RFX7: variants seen among roughly 807,000 people sequenced by gnomAD.
RFX7 encodes DNA-binding protein RFX7.
RFX7 carries 26 observed loss-of-function variants against 111.8 expected under a neutral mutation model. That is an observed-to-expected ratio of 0.23 (90% confidence interval 0.17 to 0.32). The LOEUF is 0.32. Among genes scored for constraint, RFX7 ranks in the 10% least tolerant of loss-of-function variants. The pLI, the probability that RFX7 is intolerant of heterozygous loss-of-function variation, is 1.00. For missense variants in RFX7, 1,573 were observed against 1,772.9 expected (o/e 0.89, Z 2.02); for synonymous variants, 624 against 624.4 (o/e 1.00, Z 0.01).
rs1438813028 is a variant in RFX7 at position 56,094,089 on chromosome 15, G to A, written c.3639C>T (p.Asp1213=). ...TTTGAGCTATGTTGTTGGCACATGCGTCTGTGTGAACATTTGTGAAAACAT... is the reference window on the plus strand; with the variant it reads ...TTTGAGCTATGTTGTTGGCACATGCATCTGTGTGAACATTTGTGAAAACAT... ...EVHVFTNVHT[D]ACANNIAQRS... The change falls in exon 10 of 10, where the codon GAC becomes GAT. Residue 1213 remains aspartate (D), a synonymous_variant. Transcript: ENST00000559447. 9 of 1,613,860 alleles carry A rather than the reference G, an allele frequency of 5.6e-6. No homozygotes were observed. Among genetic ancestry groups the A allele is most frequent in the South Asian group, 5.5e-5 (5 of 91,092 alleles).
At chr15:56,137,629 AT>A (rs1189399987) in intron 5 of RFX7, among the ~76,000 whole-genome samples, 24 of 151,386 alleles carry the variant, frequency 1.6e-4, no homozygotes, top group Admixed American at 1.4e-3. Flanking sequence ...TTCTGCTCTG[AT>A]TTTAGTTATT....
rs781756978 is a variant in RFX7 at position 56,094,615 on chromosome 15, G to A, written c.3113C>T (p.Ala1038Val). 1 of 1,613,944 alleles carries A rather than the reference G, an allele frequency of 6.2e-7. No homozygotes were observed. Among genetic ancestry groups the A allele is most frequent in the South Asian group, 1.1e-5 (1 of 91,068 alleles). Residue 1038 changes from alanine (A) to valine (V), a missense_variant, in exon 10 of 10, where the codon GCC becomes GTC. Transcript: ENST00000559447. ...PISSSMAYHD[A>V]SIVSSSPVKP... ...CACAGGACTACTTGAGACAATGCTG[G>A]CGTCATGATATGCCATACTGGAGCT...
At chr15:56,180,978 T>A (rs1162621773) in intron 2 of RFX7, among the ~76,000 whole-genome samples, 1 of 152,302 alleles carries the variant, frequency 6.6e-6, no homozygotes, top group Non-Finnish European at 1.5e-5. Flanking sequence ...CAATAACCTT[T>A]TAACTGGTTT....
At chr15:56,191,106 A>C (rs1291418030) in intron 2 of RFX7, among the ~76,000 whole-genome samples, 1 of 152,194 alleles carries the variant, frequency 6.6e-6, no homozygotes, top group African/African-American at 2.4e-5. Flanking sequence ...CTCTCTGGCC[A>C]ATTTTTGTCA....
intron 5 of RFX7, among the ~76,000 whole-genome samples, chr15:56,114,860 A>G (rs1411365860): frequency 6.6e-6 from 1 of 152,186 alleles, no homozygotes; most frequent in African/African-American, 2.4e-5. Context: ...TGCTAATAAA[A>G]AAAATCCCAT....
intron 2 of RFX7, among the ~76,000 whole-genome samples, chr15:56,222,461 A>G (rs2043437510): frequency 1.3e-5 from 2 of 152,186 alleles, no homozygotes; most frequent in South Asian, 4.1e-4. Flanking sequence ...CTGCTCCAGT[A>G]TCTATTCTTC....
At chr15:56,188,089 C>T (rs1036874906) in intron 2 of RFX7, among the ~76,000 whole-genome samples, 2 of 151,816 alleles carry the variant, frequency 1.3e-5, no homozygotes, top group African/African-American at 2.4e-5. Context: ...AATAAATGTT[C>T]GCATGGGGAA....
At chr15:56,210,382 A>G (rs527797284) in intron 2 of RFX7, among the ~76,000 whole-genome samples, 3 of 152,248 alleles carry the variant, frequency 2.0e-5, no homozygotes, top group Admixed American at 6.5e-5. Flanking sequence ...GAAGAGTTCA[A>G]TATCCCTCTA....
chr15:56,154,708 G>A (rs1455091892), intron 3 of RFX7, among the ~76,000 whole-genome samples: 1 of 152,144 alleles, frequency 6.6e-6, no homozygotes, highest in South Asian at 2.1e-4. Flanking sequence ...TAGTATTCAG[G>A]ACATAGGCAT....
At chr15:56,114,251 GAAAA>G (rs763833770) in intron 5 of RFX7, among the ~76,000 whole-genome samples, 43 of 148,576 alleles carry the variant, frequency 2.9e-4, no homozygotes, top group Non-Finnish European at 5.1e-4. Context: ...TAAAAATACA[GAAAA>G]AAAAAATTAA....
chr15:56,243,587 C>A lies in RFX7; in HGVS notation c.-145G>T. 1 of 713,192 alleles carries A rather than the reference C, an allele frequency of 1.4e-6. No individual in the cohort carries two copies. Among genetic ancestry groups the A allele is most frequent in the Non-Finnish European group, 1.7e-6 (1 of 583,650 alleles). 44.2% of individuals were successfully genotyped at this position (713,192 alleles called of 1,614,324 possible). A position where few individuals can be genotyped will look rare whatever the true frequency, so the allele number is the denominator to read the frequency against. The stretch of plus-strand genomic sequence containing the variant: ...CCCCCGCTGGCGCCGCCGCCTCCTC[C>A]CGTCAGCGGCCGGGGCTGTGGGGGG... On this transcript the variant is annotated 5_prime_UTR_variant, in exon 1 of 10. Transcript: ENST00000559447.
intron 5 of RFX7, among the ~76,000 whole-genome samples, chr15:56,141,656 A>AATACATATATATATATATATATAT (rs1555421060): frequency 1.2e-5 from 1 of 83,210 alleles, no homozygotes; most frequent in Non-Finnish European, 2.2e-5. Flanking sequence ...GCTTACTCTA[A>AATACATATATATATATATATATAT]ATATATATAT....
chr15:56,129,238 G>A (rs1053189722), intron 5 of RFX7, among the ~76,000 whole-genome samples: 4 of 152,056 alleles, frequency 2.6e-5, no homozygotes, highest in African/African-American at 9.7e-5. Context: ...AGCCAGGCGT[G>A]GTGGTGCATG....
chr15:56,197,918 CT>C, intron 2 of RFX7, among the ~76,000 whole-genome samples: 1 of 152,188 alleles, frequency 6.6e-6, no homozygotes, highest in Admixed American at 6.5e-5. Flanking sequence ...AGAATATGGT[CT>C]TGCTAGTGCT....
At chr15:56,188,336 T>A (rs1186545661) in intron 2 of RFX7, among the ~76,000 whole-genome samples, 2 of 152,112 alleles carry the variant, frequency 1.3e-5, no homozygotes, top group South Asian at 4.1e-4. Context: ...TCTAACTATG[T>A]ACAATGGGAG....
chr15:56,123,041 G>A (rs1346936096), intron 5 of RFX7, among the ~76,000 whole-genome samples: 1 of 152,074 alleles, frequency 6.6e-6, no homozygotes, highest in Non-Finnish European at 1.5e-5. Flanking sequence ...AGCCCTCTTG[G>A]TGGTCTTCCC....
chr15:56,183,980 A>C (rs2043005643), intron 2 of RFX7, among the ~76,000 whole-genome samples: 1 of 150,722 alleles, frequency 6.6e-6, no homozygotes, highest in East Asian at 1.9e-4. Context: ...CCTTATCTCC[A>C]GCAACCTTCA....
At chr15:56,148,165 TATTAAAAAGGA>T (rs2042510861) in intron 3 of RFX7, among the ~76,000 whole-genome samples, 2 of 152,182 alleles carry the variant, frequency 1.3e-5, no homozygotes, top group African/African-American at 4.8e-5. Context: ...TGCAAAAAGA[TATTAAAAAGGA>T]ATCTTTGAAC....
At chr15:56,102,643 A>C (rs956125609) in intron 6 of RFX7, among the ~76,000 whole-genome samples, 9 of 152,226 alleles carry the variant, frequency 5.9e-5, no homozygotes, top group Admixed American at 4.6e-4. Flanking sequence ...AACTCTTAAG[A>C]GTGTCACAAG....
Sources: gnomAD v4.1 joint callset for allele counts (sites outside exome capture counted in the v4.1 genomes callset) on GRCh38, gnomAD v4.1.1 for gene constraint, MANE v1.5 for transcripts, NCBI Gene and HGNC (gene_info 2026-07-23, HGNC 2026-07-21) for gene names.